Variants in TTC13 observed in about 807,000 individuals in gnomAD.
TTC13 encodes tetratricopeptide repeat domain 13.
In TTC13, 62 loss-of-function variants were observed where a neutral mutation model predicts 120.0. The observed-to-expected ratio is 0.52, with a 90% CI of 0.42 to 0.64. The LOEUF (loss-of-function observed/expected upper bound fraction) is 0.64. Ranked by LOEUF, TTC13 falls within the 30% of genes least tolerant of loss-of-function variation. The probability of loss-of-function intolerance (pLI) is 0.00; values close to 1 mark genes in which losing one functional copy is unlikely to be tolerated. For missense variants in TTC13, 824 were observed against 1,050.2 expected (o/e 0.78, Z 2.98); for synonymous variants, 384 against 393.5 (o/e 0.98, Z 0.28).
At chr1:230,922,462 T>G (rs1225988463) in intron 15 of TTC13, among the ~76,000 whole-genome samples, 1 of 152,226 alleles carries the variant, frequency 6.6e-6, no homozygotes. Context: ...ACTTCTCTGC[T>G]TATAATCCCT....
At position 230,944,628 on chromosome 1, in the gene TTC13, A is replaced by G. The variant is rs1674817086; in HGVS notation, c.580-730T>C. Among the ~76,000 whole-genome samples, 1 of 152,122 alleles carries G rather than the reference A, an allele frequency of 6.6e-6. No homozygotes were observed. The highest frequency in any genetic ancestry group is 6.5e-5 in the Admixed American group (1 of 15,272). Reference sequence around the variant, plus strand: ...TTCTCCAATAGGCCAGCACAAGGTTAGTATAATATTAATTGTAATATTTTA... The same window carrying G: ...TTCTCCAATAGGCCAGCACAAGGTTGGTATAATATTAATTGTAATATTTTA... On this transcript the variant is annotated intron_variant, in intron 5 of 22. Coordinates refer to ENST00000366661, the MANE Select transcript of TTC13 (RefSeq NM_024525.5). The surrounding 1 kb of genome is among the most constrained non-coding windows in gnomAD (Gnocchi z 4.0).
At chr1:230,977,737 A>C (rs1435028081) in intron 1 of TTC13, among the ~76,000 whole-genome samples, 1 of 152,182 alleles carries the variant, frequency 6.6e-6, no homozygotes, top group Non-Finnish European at 1.5e-5. Context: ...GGGGAAAGAG[A>C]AAGGGAGGAG....
intron 3 of TTC13, among the ~76,000 whole-genome samples, chr1:230,957,885 A>G (rs1676249569): frequency 6.6e-6 from 1 of 152,184 alleles, no homozygotes; most frequent in African/African-American, 2.4e-5. Flanking sequence ...CTATACAGAA[A>G]AGTAGGTAGT....
rs1675342379 is a variant in TTC13 at position 230,949,533 on chromosome 1, C to T, written c.514-4079G>A. Among the ~76,000 whole-genome samples the T allele has an allele frequency of 2.0e-5, 3 of 151,216 alleles. No homozygotes were observed. The South Asian group carries it at 6.2e-4, about 31-fold the overall frequency. ...TGTGCCCCACACAGAGGCCCTCGCA[C>T]GGGCCTCCCCTCAAGTCACCCCATG... is the stretch of plus-strand genomic sequence containing the variant. On this transcript the variant is annotated intron_variant, in intron 4 of 22. Transcript: ENST00000366661.
At position 230,931,857 on chromosome 1, in the gene TTC13, G is replaced by A; in HGVS notation, c.1004C>T (p.Ala335Val). ...TGCCTTTTGAAAGCTCTCAGTGGCT[G>A]CTTCAAAATTGCCCAGTTCTCTAGG... ...QAYRELGNFE[A>V]ATESFQKALL... The change falls in exon 10 of 23, where the codon GCA (alanine) becomes GTA (valine). Residue 335 changes from alanine to valine, a missense_variant. Ala to Val is a moderately conservative substitution (Grantham distance 64). Transcript: ENST00000366661. 6.2e-7 allele frequency: 1 copy of A among 1,614,118 alleles called. No homozygotes were observed.
chr1:230,935,395 GA>G (rs1226713122), intron 8 of TTC13, among the ~76,000 whole-genome samples: 4 of 152,200 alleles, frequency 2.6e-5, no homozygotes, highest in African/African-American at 9.7e-5. Context: ...TGAGAATGAA[GA>G]GAAAGAAATC....
At chr1:230,912,823 T>C (rs1671651581) in intron 18 of TTC13, 65 bp from the exon 19 acceptor site, 4 of 1,506,206 alleles carry the variant, frequency 2.7e-6, no homozygotes, top group Admixed American at 4.2e-5. Flanking sequence ...ACACAGAAAG[T>C]TTTTTTTAAA....
intron 4 of TTC13, among the ~76,000 whole-genome samples, chr1:230,948,400 CAAAAAAA>C (rs57051929): frequency 7.2e-5 from 7 of 96,602 alleles, no homozygotes; most frequent in Middle Eastern, 7.1e-3. Flanking sequence ...ACTCACAATA[CAAAAAAA>C]AAAAAAAAAG....
intron 9 of TTC13, among the ~76,000 whole-genome samples, chr1:230,933,484 C>T (rs1396723780): frequency 6.6e-6 from 1 of 152,200 alleles, no homozygotes; most frequent in Non-Finnish European, 1.5e-5. Flanking sequence ...GCAGCGTCTA[C>T]ACCCCAATAG....
intron 1 of TTC13, among the ~76,000 whole-genome samples, chr1:230,968,651 G>A (rs932757227): frequency 1.3e-5 from 2 of 152,102 alleles, no homozygotes; most frequent in Admixed American, 6.5e-5. Flanking sequence ...GAAATAGAGG[G>A]TCACGGTCTA....
chr1:230,960,611 T>C (rs549923946), intron 2 of TTC13, among the ~76,000 whole-genome samples: 2 of 152,132 alleles, frequency 1.3e-5, no homozygotes, highest in Non-Finnish European at 2.9e-5. Flanking sequence ...AAGGAAATTT[T>C]AAACCGAAGA....
chr1:230,913,416 T>A (rs758497202), intron 18 of TTC13, among the ~76,000 whole-genome samples: 14 of 152,148 alleles, frequency 9.2e-5, no homozygotes, highest in Non-Finnish European at 1.6e-4. Flanking sequence ...CTGGAGAGCA[T>A]TGGCATGATC....
At chr1:230,937,379 T>G (rs1467991464) in intron 8 of TTC13, among the ~76,000 whole-genome samples, 1 of 152,202 alleles carries the variant, frequency 6.6e-6, no homozygotes, top group Non-Finnish European at 1.5e-5. Flanking sequence ...AATCTTTTTC[T>G]CCTCCATGAG....
chr1:230,967,861 G>A (rs12140472), intron 1 of TTC13, among the ~76,000 whole-genome samples: 5,615 of 152,256 alleles, frequency 0.037, 150 homozygotes, highest in Non-Finnish European at 0.056. Context: ...GATAGGAAAA[G>A]CATTAGTTTT....
chr1:230,971,611 G>C (rs1422719523), intron 1 of TTC13, among the ~76,000 whole-genome samples: 26 of 152,196 alleles, frequency 1.7e-4, no homozygotes, highest in Non-Finnish European at 8.8e-5. Context: ...AGGAACTAAG[G>C]ATCCACAAAA....
intron 4 of TTC13, among the ~76,000 whole-genome samples, chr1:230,948,638 C>G (rs895259205): frequency 6.6e-6 from 1 of 151,976 alleles, no homozygotes; most frequent in Non-Finnish European, 1.5e-5. Flanking sequence ...TAGGAGTGCA[C>G]GATCACACCA....
rs540302516 is a variant in TTC13, at chr1:230,942,835, C to T, written c.672+971G>A. 2.0e-5 allele frequency among the ~76,000 whole-genome samples: 3 copies of T among 152,274 alleles called. No homozygotes were observed. The East Asian group carries it at 5.8e-4, about 29-fold the overall frequency. On this transcript the variant is annotated intron_variant, in intron 6 of 22. Coordinates refer to ENST00000366661, the MANE Select transcript of TTC13 (RefSeq NM_024525.5). The surrounding 1 kb of genome is among the most constrained non-coding windows in gnomAD (Gnocchi z 4.0). ...GGATCAGCTCTAGCCTCGCTTCCTC[C>T]GACAGCCTCAGCAAACACTCCCAAC...
intron 4 of TTC13, 33 bp from the exon 5 acceptor site, chr1:230,945,487 C>A (rs757977533): frequency 1.2e-6 from 2 of 1,603,526 alleles, no homozygotes; most frequent in African/African-American, 1.3e-5. Context: ...ACGTCAAAAA[C>A]CATAAACAAA....
intron 18 of TTC13, among the ~76,000 whole-genome samples, chr1:230,914,931 T>C (rs796956724): frequency 1.3e-5 from 2 of 152,242 alleles, no homozygotes; most frequent in East Asian, 1.9e-4. Flanking sequence ...ACTGTACTTA[T>C]ATAGTAATTT....
Sources: gnomAD v4.1 joint callset for allele counts (sites outside exome capture counted in the v4.1 genomes callset) on GRCh38, gnomAD v4.1.1 for gene constraint, Gnocchi (gnomAD v3.1) non-coding constraint, MANE v1.5 for transcripts, NCBI Gene and HGNC (gene_info 2026-07-23, HGNC 2026-07-21) for gene names.